RCAN1: variants seen among roughly 807,000 people sequenced by gnomAD.
RCAN1 encodes regulator of calcineurin 1.
A neutral mutation model predicts 22.9 loss-of-function variants in RCAN1; 11 were observed. That is an observed-to-expected ratio of 0.48 (90% CI 0.30 to 0.79). RCAN1 has a LOEUF of 0.79. RCAN1 is among the 30% of genes least tolerant of loss of function. The pLI is 0.06. For synonymous variants in RCAN1, 136 were observed against 142.3 expected (o/e 0.96, Z 0.32); for missense variants, 291 against 337.8 (o/e 0.86, Z 1.09).
At position 34,518,114 on chromosome 21, in the gene RCAN1, C is replaced by T. The variant is rs750854314; in HGVS notation, c.729G>A (p.Arg243=). Residue 243 remains arginine (R), a synonymous_variant, in exon 4 of 4, where the codon AGG becomes AGA. Coordinates refer to ENST00000313806, the MANE Select transcript of RCAN1 (RefSeq NM_004414.7). The surrounding 1 kb of genome is among the most constrained non-coding windows in gnomAD (Gnocchi z 4.2). ...TGAGGTGGATCGGCGTGTACTCCGG[C>T]CTCCTGGTCTGGATAATTTTTGGCT... ...RPKPKIIQTR[R]PEYTPIHLS is the part of the protein sequence containing the mutation. 3.7e-6 allele frequency: 6 copies of T among 1,614,214 alleles called. No individual in the cohort carries two copies. The South Asian group carries it at 4.4e-5, about 12-fold the overall frequency.
chr21:34,606,541 A>T (rs2123733100), intron 1 of RCAN1, among the ~76,000 whole-genome samples: 1 of 152,344 alleles, frequency 6.6e-6, no homozygotes, highest in Non-Finnish European at 1.5e-5. Context: ...TAAAGCACAA[A>T]GATTAACAAA....
rs1468350588 is a variant in RCAN1 at position 34,517,520 on chromosome 21, C to T, written c.*564G>A. ...CTTCCCAAAAGATGTAAAACAACAA[C>T]GGTGTAACTTTATATACGAACAAAG... On this transcript the variant is annotated 3_prime_UTR_variant, in exon 4 of 4. Transcript: ENST00000313806. The T allele has an allele frequency of 2.0e-5, 3 of 152,196 alleles. No individual in the cohort carries two copies. Among genetic ancestry groups the T allele is most frequent in the South Asian group, 2.1e-4 (1 of 4,834 alleles). 9.4% of individuals were successfully genotyped at this position (152,196 alleles called of 1,614,324 possible).
chr21:34,572,541 A>G (rs1296334333), intron 1 of RCAN1, among the ~76,000 whole-genome samples: 1 of 152,182 alleles, frequency 6.6e-6, no homozygotes, highest in East Asian at 1.9e-4. Context: ...ACTTATAAAG[A>G]TCTGACATTC....
chr21:34,532,992 G>A (rs1047732789), intron 1 of RCAN1, among the ~76,000 whole-genome samples: 56 of 143,876 alleles, frequency 3.9e-4, no homozygotes, highest in African/African-American at 1.3e-3. Context: ...ACGGAGTCTT[G>A]CTCTGTCGCC....
In RCAN1 at chr21:34,532,188, G is replaced by A. The variant is rs1414190448; in HGVS notation, c.253-8478C>T. On this transcript the variant is annotated intron_variant, in intron 1 of 3. Transcript: ENST00000313806. Reference sequence around the variant, plus strand: ...AGGCCCGGGTGATCAGACATCACCTGACGGATGGTAGAAGATGAAGAACCC... The same window carrying A: ...AGGCCCGGGTGATCAGACATCACCTAACGGATGGTAGAAGATGAAGAACCC... 2.0e-5 allele frequency among the ~76,000 whole-genome samples: 3 copies of A among 152,244 alleles called. No homozygotes were observed. The East Asian group carries it at 5.8e-4, about 29-fold the overall frequency.
chr21:34,546,365 A>T (rs1601160167), intron 1 of RCAN1, among the ~76,000 whole-genome samples: 2 of 151,400 alleles, frequency 1.3e-5, no homozygotes. Flanking sequence ...GTTGGCAGTT[A>T]CTTATTAGTT....
rs545010431 is a variant in RCAN1 at position 34,571,279 on chromosome 21, G to A, written c.252+43481C>T. Among the ~76,000 whole-genome samples the A allele has an allele frequency of 5.3e-5, 8 of 152,252 alleles. No homozygotes were observed. The East Asian group carries it at 1.2e-3, about 22-fold the overall frequency. On this transcript the variant is annotated intron_variant, in intron 1 of 3. Transcript: ENST00000313806. Reference sequence around the variant, plus strand: ...TTGCACTCCAGCCTGGGCAACAAGAGCGAAACTCCATCTCCAAAAATAAAT... The same window carrying A: ...TTGCACTCCAGCCTGGGCAACAAGAACGAAACTCCATCTCCAAAAATAAAT...
intron 1 of RCAN1, among the ~76,000 whole-genome samples, chr21:34,608,348 G>A (rs911139193): frequency 6.6e-6 from 1 of 152,112 alleles, no homozygotes; most frequent in Non-Finnish European, 1.5e-5. Flanking sequence ...CCCTCTCCCT[G>A]AGTGAGATTT....
rs4336020 is a variant in RCAN1 at position 34,518,075 on chromosome 21, C to T, written c.*9G>A. 5,245 of 1,613,894 alleles carry T rather than the reference C, an allele frequency of 3.2e-3. 144 individuals carry two copies. In the African/African-American group the frequency reaches 0.061, roughly 19 times the overall value. ...TATGATTTGGAATGCGTCCTCGTCG[C>T]GTGCCAGTTCAGCTGAGGTGGATCG... On this transcript the variant is annotated 3_prime_UTR_variant, in exon 4 of 4. Transcript: ENST00000313806. This position sits in a 1 kb window ranked among gnomAD's most constrained non-coding sequence, Gnocchi z 4.2.
chr21:34,555,986 C>G (rs1489873684), intron 1 of RCAN1, among the ~76,000 whole-genome samples: 1 of 150,970 alleles, frequency 6.6e-6, no homozygotes, highest in East Asian at 1.9e-4. Context: ...TGGTGTGAAC[C>G]CGGGAGGCAG....
At chr21:34,576,756 C>G (rs1987423062) in intron 1 of RCAN1, among the ~76,000 whole-genome samples, 1 of 152,106 alleles carries the variant, frequency 6.6e-6, no homozygotes, top group Admixed American at 6.6e-5. Context: ...CTAATCACAT[C>G]AATATTATAA....
rs374394439 is a variant in RCAN1 at position 34,563,217 on chromosome 21, T to A, written c.253-39507A>T. 1.4e-3 allele frequency among the ~76,000 whole-genome samples: 213 copies of A among 152,268 alleles called. 2 individuals carry two copies. Among genetic ancestry groups the A allele is most frequent in the African/African-American group, 4.9e-3 (203 of 41,546 alleles). The stretch of plus-strand genomic sequence containing the variant: ...TACACAGTAAAATCTAGCATAAAAC[T>A]CAACTTGGGGCCAATCTGACAGAAT... On this transcript the variant is annotated intron_variant, in intron 1 of 3. Coordinates refer to ENST00000313806, the MANE Select transcript of RCAN1 (RefSeq NM_004414.7).
chr21:34,521,418 G>C, intron 3 of RCAN1, 81 bp downstream of exon 3: 2 of 1,606,728 alleles, frequency 1.2e-6, no homozygotes, highest in African/African-American at 1.3e-5. Context: ...GAGCTACGGG[G>C]GTAGTGGTGG....
At chr21:34,582,433 A>G (rs1987646694) in intron 1 of RCAN1, among the ~76,000 whole-genome samples, 1 of 152,022 alleles carries the variant, frequency 6.6e-6, no homozygotes, top group East Asian at 1.9e-4. Flanking sequence ...CTGAGGAAGG[A>G]GCATCTGGGC....
chr21:34,530,626 T>TTGTTTGTTTTGG (rs1985337033), intron 1 of RCAN1, among the ~76,000 whole-genome samples: 2 of 127,636 alleles, frequency 1.6e-5, no homozygotes, highest in African/African-American at 6.4e-5. Flanking sequence ...GTTTTTTTTT[T>TTGTTTGTTTTGG]TTTTTTTTTT....
chr21:34,591,066 G>T (rs567117165), intron 1 of RCAN1, among the ~76,000 whole-genome samples: 1 of 152,162 alleles, frequency 6.6e-6, no homozygotes. Flanking sequence ...TATTTTCCTC[G>T]TGGAGGGCAT....
intron 1 of RCAN1, among the ~76,000 whole-genome samples, chr21:34,589,855 C>A (rs551122563): frequency 1.3e-5 from 2 of 152,316 alleles, no homozygotes; most frequent in South Asian, 2.1e-4. Context: ...CTCCAGCCTG[C>A]AGATGGCAGA....
chr21:34,557,677 T>C (rs1182500907), intron 1 of RCAN1, among the ~76,000 whole-genome samples: 6 of 152,220 alleles, frequency 3.9e-5, no homozygotes, highest in Non-Finnish European at 7.3e-5. Context: ...CACAACTTTC[T>C]CATTTAACAT....
intron 1 of RCAN1, among the ~76,000 whole-genome samples, chr21:34,527,183 G>A (rs1985119684): frequency 6.6e-6 from 1 of 152,100 alleles, no homozygotes; most frequent in South Asian, 2.1e-4. Context: ...CCCTTCTTAA[G>A]ATGGAAAATG....
Sources: allele counts gnomAD v4.1 joint callset (sites outside exome capture counted in the v4.1 genomes callset), GRCh38; gene constraint gnomAD v4.1.1; non-coding constraint Gnocchi (gnomAD v3.1); transcripts MANE v1.5; gene names NCBI Gene and HGNC (gene_info 2026-07-23, HGNC 2026-07-21).